Variants in PPL observed in about 807,000 individuals in gnomAD.
PPL encodes periplakin, also known as 190 kDa paraneoplastic pemphigus antigen.
In PPL, 198 loss-of-function variants were observed where a neutral mutation model predicts 194.4. The observed-to-expected ratio is 1.02, with a 90% CI of 0.91 to 1.15. The LOEUF (loss-of-function observed/expected upper bound fraction) is 1.15, where lower values mean the gene tolerates loss of function less well. PPL is among the 50% of genes most tolerant of loss of function. The pLI, the probability that PPL is intolerant of heterozygous loss-of-function variation, is 0.00. For missense variants in PPL, 2,885 were observed against 2,294.8 expected, an observed-to-expected ratio of 1.26 and a Z score of -5.25; for synonymous variants, 1,220 against 972.4, an observed-to-expected ratio of 1.25 and a Z score of -4.74.
intron 1 of PPL, among the ~76,000 whole-genome samples, chr16:4,911,905 T>C (rs1397979503): frequency 6.6e-6 from 1 of 152,126 alleles, no homozygotes; most frequent in East Asian, 1.9e-4. Context: ...GGCGTGATCA[T>C]AGTTCACTAT....
rs143020886 is a variant in PPL, at chr16:4,898,034, C to T, written c.877-264G>A. Among the ~76,000 whole-genome samples the T allele has an allele frequency of 1.4e-4, 21 of 152,296 alleles. No individual in the cohort carries two copies. In the East Asian group the frequency reaches 3.3e-3, roughly 24 times the overall value. Reference sequence around the variant, plus strand: ...GGGCAAGTGGGGGCTGTGGTGCCTTCGGCAAATCTGTACAAAGGCACTGTC... The same window carrying T: ...GGGCAAGTGGGGGCTGTGGTGCCTTTGGCAAATCTGTACAAAGGCACTGTC... On this transcript the variant is annotated intron_variant, in intron 8 of 21. Coordinates refer to ENST00000345988, the MANE Select transcript of PPL (RefSeq NM_002705.5).
At chr16:4,895,434 G>C (rs1440444841) in intron 10 of PPL, 27 bp from the exon 11 acceptor site, 1 of 1,609,634 alleles carries the variant, frequency 6.2e-7, no homozygotes, top group Admixed American at 1.7e-5. Context: ...CAGGGGCCCA[G>C]GTGAGACCAA....
intron 1 of PPL, among the ~76,000 whole-genome samples, chr16:4,931,873 A>C (rs1423976671): frequency 6.6e-6 from 1 of 152,222 alleles, no homozygotes; most frequent in Non-Finnish European, 1.5e-5. Context: ...CCTCCAGGTA[A>C]GCTCAGCTCT....
rs140546373 is a variant in PPL at position 4,890,287 on chromosome 16, C to T, written c.2210G>A (p.Arg737His). 3.2e-4 allele frequency: 513 copies of T among 1,614,146 alleles called. 5 individuals carry two copies. The African/African-American group carries it at 4.7e-3, about 15-fold the overall frequency. The change falls in exon 18 of 22, where the codon CGC becomes CAC. Residue 737 changes from arginine (R) to histidine (H), a missense_variant. Arg to His is a conservative substitution (Grantham distance 29, BLOSUM62 0). Transcript: ENST00000345988. ...SAKAAYEHFH[R>H]GHDHVLQFLV... ...GAACTGCAGCACGTGGTCATGGCCGCGGTGGAAGTGCTCGTAGGCTGCCTT... is the reference window on the plus strand; with the variant it reads ...GAACTGCAGCACGTGGTCATGGCCGTGGTGGAAGTGCTCGTAGGCTGCCTT...
At chr16:4,892,428 A>G (rs1037371362) in intron 14 of PPL, among the ~76,000 whole-genome samples, 3 of 152,188 alleles carry the variant, frequency 2.0e-5, no homozygotes, top group African/African-American at 7.2e-5. Flanking sequence ...GGAATGGACT[A>G]GTGACACCAG....
At chr16:4,928,277 G>A (rs1184487321) in intron 1 of PPL, among the ~76,000 whole-genome samples, 2 of 152,246 alleles carry the variant, frequency 1.3e-5, no homozygotes, top group Non-Finnish European at 2.9e-5. Context: ...GTAGGGACAG[G>A]GTTTCACCAT....
chr16:4,887,342 G>T, intron 20 of PPL, 115 bp from the exon 21 acceptor site: 1 of 750,132 alleles, frequency 1.3e-6, no homozygotes, highest in Non-Finnish European at 2.4e-6. Context: ...GGGGGTAGAG[G>T]CATAGCTCTT....
rs1271948831 is a variant in PPL, at chr16:4,902,588, GC to G, written c.318-63del. On this transcript the variant is annotated intron_variant, in intron 3 of 21. Transcript: ENST00000345988. This position sits in a 1 kb window ranked among gnomAD's most constrained non-coding sequence, Gnocchi z 4.0. ...TGGCACTGCCTGCACCCCAGGAGGG[GC>G]CCCCCACCCAGACCCCGGCCTCAGT... is the stretch of plus-strand genomic sequence containing the variant. 1.5e-5 allele frequency: 24 copies of G among 1,573,830 alleles called. No individual in the cohort carries two copies. Among genetic ancestry groups the G allele is most frequent in the Admixed American group, 1.2e-4 (7 of 56,620 alleles).
At chr16:4,895,803 C>T (rs1016582530) in intron 9 of PPL, 87 bp from the exon 10 acceptor site, 12 of 1,577,240 alleles carry the variant, frequency 7.6e-6, no homozygotes, top group African/African-American at 5.4e-5. Context: ...ATCCCTCAGG[C>T]GGGGCTGGGC....
chr16:4,906,296 C>T (rs571557498), intron 2 of PPL, among the ~76,000 whole-genome samples: 3 of 152,314 alleles, frequency 2.0e-5, no homozygotes, highest in African/African-American at 7.2e-5. Flanking sequence ...ACGATCTCGG[C>T]TCACTGCAAG....
chr16:4,903,722 A>G (rs1310970966), intron 3 of PPL, among the ~76,000 whole-genome samples, 164 bp downstream of exon 3: 1 of 145,850 alleles, frequency 6.9e-6, no homozygotes, highest in Admixed American at 6.8e-5. Flanking sequence ...CTACGTCTCA[A>G]AAAAAAAAAA....
In PPL at chr16:4,926,414, T is replaced by C. The variant is rs1188783889; in HGVS notation, c.62+10570A>G. Among the ~76,000 whole-genome samples, 3 of 152,326 alleles carry C rather than the reference T, an allele frequency of 2.0e-5. No individual in the cohort carries two copies. The East Asian group carries it at 5.8e-4, about 29-fold the overall frequency. On this transcript the variant is annotated intron_variant, in intron 1 of 21. Coordinates refer to ENST00000345988, the MANE Select transcript of PPL (RefSeq NM_002705.5). The stretch of plus-strand genomic sequence containing the variant: ...CCAGAGATATGAATTGTCCACATGC[T>C]ATAAAATACCTGCTCAATTTCACAC...
rs1217795790 is a variant in PPL, at chr16:4,936,826, C to T, written c.62+158G>A. 2.6e-5 allele frequency among the ~76,000 whole-genome samples: 4 copies of T among 152,188 alleles called. No homozygotes were observed. In the South Asian group the frequency reaches 8.3e-4, roughly 31 times the overall value. Reference sequence around the variant, plus strand: ...CGGCGCTTCCCAGCTTCAGGGTGGCCTCGGTCCCGCGTTCCCGAGAGTCCC... The same window carrying T: ...CGGCGCTTCCCAGCTTCAGGGTGGCTTCGGTCCCGCGTTCCCGAGAGTCCC... On this transcript the variant is annotated intron_variant, in intron 1 of 21. Coordinates refer to ENST00000345988, the MANE Select transcript of PPL (RefSeq NM_002705.5).
Position 4,910,905 on chromosome 16 carries a change from T to C in PPL, c.107A>G (p.Lys36Arg). ...GTTCTTCTCCACCTGGTCGGCATTC[T>C]TCTGCAGCTGCTCGATCAGCTCCGA... ...ELSELIEQLQKNADQVEKNIV... is the reference protein window; with the variant it reads ...ELSELIEQLQRNADQVEKNIV... The change falls in exon 2 of 22, where the codon AAG becomes AGG. Residue 36 changes from lysine (K) to arginine (R), a missense_variant. By Grantham distance (26) the Lys-to-Arg change is conservative. Transcript: ENST00000345988. 3 of 1,613,818 alleles carry C rather than the reference T, an allele frequency of 1.9e-6. No homozygotes were observed. The East Asian group carries it at 6.7e-5, about 36-fold the overall frequency.
chr16:4,896,825 G>T (rs1026014310), intron 9 of PPL, among the ~76,000 whole-genome samples: 2 of 151,700 alleles, frequency 1.3e-5, no homozygotes, highest in African/African-American at 4.8e-5. Context: ...AGTAGAGATG[G>T]GGTTTCATCA....
At chr16:4,890,500 G>A (rs1379834032) in intron 17 of PPL, among the ~76,000 whole-genome samples, 166 bp from the exon 18 acceptor site, 1 of 152,080 alleles carries the variant, frequency 6.6e-6, no homozygotes, top group Non-Finnish European at 1.5e-5. Context: ...TTGGACTGTG[G>A]AGAACCAGGT....
chr16:4,884,791 G>A lies in PPL; in HGVS notation c.3864C>T (p.Thr1288=). 1.2e-6 allele frequency: 2 copies of A among 1,614,084 alleles called. No individual in the cohort carries two copies. The highest frequency in any genetic ancestry group is 1.7e-6 in the Non-Finnish European group (2 of 1,180,026). Reference sequence around the variant, plus strand: ...GGAGGATCTCCTGGACCACCTCTTTGGTCTGGACCTGGGGTTTGGTGTCTT... The same window carrying A: ...GGAGGATCTCCTGGACCACCTCTTTAGTCTGGACCTGGGGTTTGGTGTCTT... ...ALKDTKPQVQ[T]KEVVQEILQF... is the part of the protein sequence containing the mutation. The change falls in exon 22 of 22, where the codon ACC becomes ACT. Residue 1288 remains threonine, a synonymous_variant. Coordinates refer to ENST00000345988, the MANE Select transcript of PPL (RefSeq NM_002705.5). This position sits in a 1 kb window ranked among gnomAD's most constrained non-coding sequence, Gnocchi z 5.7.
intron 1 of PPL, among the ~76,000 whole-genome samples, chr16:4,931,422 G>A (rs2089223830): frequency 6.6e-6 from 1 of 152,110 alleles, no homozygotes; most frequent in African/African-American, 2.4e-5. Context: ...GGGCAGGGCT[G>A]GGACCTGAAG....
Position 4,885,855 on chromosome 16 carries a change from TCAC to T in PPL, c.2797_2799del (p.Val933del), listed in dbSNP as rs745815780. 4 of 1,607,920 alleles carry T rather than the reference TCAC, an allele frequency of 2.5e-6. No individual in the cohort carries two copies. The Admixed American group carries it at 6.7e-5, about 27-fold the overall frequency. ...GGCACCTTCTTGAGCACCTCCTTCC[TCAC>T]CACCGATTCCTGAGGCCCCTGATTC... On this transcript the variant is annotated inframe_deletion, in exon 22 of 22. Coordinates refer to ENST00000345988, the MANE Select transcript of PPL (RefSeq NM_002705.5). The surrounding 1 kb of genome is among the most constrained non-coding windows in gnomAD (Gnocchi z 6.3).
Sources: allele counts gnomAD v4.1 joint callset (sites outside exome capture counted in the v4.1 genomes callset), GRCh38; gene constraint gnomAD v4.1.1; non-coding constraint Gnocchi (gnomAD v3.1); transcripts MANE v1.5; gene names NCBI Gene and HGNC (gene_info 2026-07-23, HGNC 2026-07-21).